Variants in LDB2 observed in about 807,000 individuals in gnomAD.
LDB2 encodes LIM domain binding 2.
A neutral mutation model predicts 44.3 loss-of-function variants in LDB2; 12 were observed. The ratio of observed to expected loss-of-function variants is 0.27; its 90% CI spans 0.17 to 0.44. LDB2 has a LOEUF of 0.44. LDB2 is among the 20% of genes least tolerant of loss of function. The pLI is 1.00. For synonymous variants in LDB2, 164 were observed against 174.8 expected (o/e 0.94, Z 0.49); for missense variants, 344 against 473.5 (o/e 0.73, Z 2.54).
intron 2 of LDB2, among the ~76,000 whole-genome samples, chr4:16,651,390 T>G (rs1738222674): frequency 6.6e-6 from 1 of 152,244 alleles, no homozygotes; most frequent in Admixed American, 6.5e-5. Context: ...TAAATTCAAA[T>G]GACTTTGATT....
chr4:16,629,778 CT>C (rs1479534483), intron 2 of LDB2, among the ~76,000 whole-genome samples: 7 of 151,970 alleles, frequency 4.6e-5, no homozygotes, highest in Non-Finnish European at 7.4e-5. Flanking sequence ...AGAACAACAA[CT>C]TCGTGAAGCA....
At chr4:16,802,819 G>T (rs1778102044) in intron 1 of LDB2, among the ~76,000 whole-genome samples, 1 of 152,112 alleles carries the variant, frequency 6.6e-6, no homozygotes, top group South Asian at 2.1e-4. Context: ...AGGCTCTAAG[G>T]GCTCGTATTA....
intron 1 of LDB2, among the ~76,000 whole-genome samples, chr4:16,821,680 C>T (rs868686956): frequency 4.1e-5 from 6 of 144,590 alleles, no homozygotes; most frequent in Non-Finnish European, 6.0e-5. Context: ...TGAGCCACCG[C>T]GCCCGGCCGG....
intron 2 of LDB2, among the ~76,000 whole-genome samples, chr4:16,734,109 T>G (rs1484367512): frequency 6.6e-6 from 1 of 152,210 alleles, no homozygotes; most frequent in African/African-American, 2.4e-5. Context: ...CTTTTAAAGT[T>G]GTTGGCTGGA....
intron 1 of LDB2, among the ~76,000 whole-genome samples, chr4:16,839,039 C>T (rs1393855588): frequency 1.3e-5 from 2 of 152,184 alleles, no homozygotes; most frequent in Non-Finnish European, 1.5e-5. Flanking sequence ...GATAATGCTG[C>T]ACCAACAATG....
At chr4:16,879,462 G>T (rs911295363) in intron 1 of LDB2, among the ~76,000 whole-genome samples, 8 of 152,188 alleles carry the variant, frequency 5.3e-5, no homozygotes, top group Non-Finnish European at 1.2e-4. Flanking sequence ...CCCAGTGGGG[G>T]TGGGCACCAT....
intron 2 of LDB2, among the ~76,000 whole-genome samples, chr4:16,673,888 T>A (rs993756602): frequency 1.3e-5 from 2 of 152,230 alleles, no homozygotes; most frequent in Admixed American, 1.3e-4. Context: ...AATATCAAAA[T>A]GAGAACATTT....
At chr4:16,881,685 T>A (rs1720174999) in intron 1 of LDB2, among the ~76,000 whole-genome samples, 2 of 150,912 alleles carry the variant, frequency 1.3e-5, no homozygotes, top group Admixed American at 6.6e-5. Context: ...CTGATAAGGA[T>A]GAAATTTTCC....
chr4:16,885,302 T>G (rs899010665), intron 1 of LDB2, among the ~76,000 whole-genome samples: 1 of 151,642 alleles, frequency 6.6e-6, no homozygotes, highest in Admixed American at 6.6e-5. Flanking sequence ...ACCACTGCAC[T>G]CCAGCCTGGG....
At chr4:16,546,810 C>G (rs1400134693) in intron 5 of LDB2, among the ~76,000 whole-genome samples, 2 of 152,190 alleles carry the variant, frequency 1.3e-5, no homozygotes, top group African/African-American at 4.8e-5. Context: ...CTCTCTTCTC[C>G]TGGCGACCTC....
At chr4:16,727,071 T>C (rs1759652989) in intron 2 of LDB2, among the ~76,000 whole-genome samples, 2 of 152,146 alleles carry the variant, frequency 1.3e-5, no homozygotes, top group African/African-American at 4.8e-5. Flanking sequence ...GATTAAGAAA[T>C]TGATGAAATG....
At chr4:16,747,263 A>C (rs1764579852) in intron 2 of LDB2, among the ~76,000 whole-genome samples, 1 of 152,128 alleles carries the variant, frequency 6.6e-6, no homozygotes, top group South Asian at 2.1e-4. Flanking sequence ...TCTCATAATT[A>C]CTGATTTTGG....
At chr4:16,580,333 TAAGTAAAC>T (rs1359503911) in intron 5 of LDB2, among the ~76,000 whole-genome samples, 1 of 152,116 alleles carries the variant, frequency 6.6e-6, no homozygotes, top group Non-Finnish European at 1.5e-5. Flanking sequence ...AGGTCAAATT[TAAGTAAAC>T]AAGTAAACAA....
chr4:16,893,309 A>AG (rs1444487818), intron 1 of LDB2, among the ~76,000 whole-genome samples: 1 of 150,266 alleles, frequency 6.7e-6, no homozygotes, highest in African/African-American at 2.5e-5. Context: ...CTAAATTTCT[A>AG]GGGGGGAGAA....
chr4:16,623,346 C>G (rs1332178521), intron 2 of LDB2, among the ~76,000 whole-genome samples: 1 of 152,102 alleles, frequency 6.6e-6, no homozygotes, highest in African/African-American at 2.4e-5. Flanking sequence ...GCCTGTAATC[C>G]CAGCACTTTG....
intron 1 of LDB2, among the ~76,000 whole-genome samples, chr4:16,770,817 C>T (rs564228552): frequency 6.6e-6 from 1 of 152,190 alleles, no homozygotes; most frequent in East Asian, 1.9e-4. Context: ...GAACCCTATG[C>T]AAAGCCACTT....
intron 1 of LDB2, among the ~76,000 whole-genome samples, chr4:16,822,222 A>G (rs1332707762): frequency 6.6e-6 from 1 of 152,162 alleles, no homozygotes; most frequent in East Asian, 1.9e-4. Context: ...TTATTTTTAC[A>G]GTAGATATTC....
chr4:16,844,121 G>A (rs1786445293), intron 1 of LDB2, among the ~76,000 whole-genome samples: 1 of 150,864 alleles, frequency 6.6e-6, no homozygotes, highest in South Asian at 2.1e-4. Flanking sequence ...GCTGGGCGTG[G>A]TGGCACACTC....
chr4:16,875,996 A>T (rs2110385978), intron 1 of LDB2, among the ~76,000 whole-genome samples: 1 of 152,286 alleles, frequency 6.6e-6, no homozygotes, highest in East Asian at 1.9e-4. Context: ...CTGAAATTCA[A>T]CAAGGGAGGC....
Sources: allele counts gnomAD v4.1 joint callset (sites outside exome capture counted in the v4.1 genomes callset), GRCh38; gene constraint gnomAD v4.1.1; transcripts MANE v1.5; gene names NCBI Gene and HGNC (gene_info 2026-07-23, HGNC 2026-07-21).